DDX31: variants seen among roughly 807,000 people sequenced by gnomAD.
The protein encoded by DDX31 is ATP-dependent DNA helicase DDX31.
In DDX31, 70 loss-of-function variants were observed where a neutral mutation model predicts 91.3. That is an observed-to-expected ratio of 0.77 (90% CI 0.63 to 0.94). The LOEUF is 0.94. DDX31 is among the 40% of genes least tolerant of loss of function. DDX31 has a pLI of 0.00. For missense variants in DDX31, 902 were observed against 925.0 expected, an observed-to-expected ratio of 0.98 and a Z score of 0.32; for synonymous variants, 362 against 350.6, an observed-to-expected ratio of 1.03 and a Z score of -0.36.
chr9:132,619,859 C>T (rs1470671912), intron 17 of DDX31, among the ~76,000 whole-genome samples: 7 of 150,202 alleles, frequency 4.7e-5, no homozygotes, highest in Non-Finnish European at 7.4e-5. Context: ...ACCTCAGCAG[C>T]GCAACTGTCA....
chr9:132,660,093 T>G (rs1046779516), intron 4 of DDX31, among the ~76,000 whole-genome samples: 7 of 152,158 alleles, frequency 4.6e-5, no homozygotes, highest in Non-Finnish European at 1.0e-4. Flanking sequence ...CCCTGCACTT[T>G]GGGAAGCTGA....
At position 132,594,895 on chromosome 9, in the gene DDX31, G is replaced by A. The variant is rs937390295; in HGVS notation, c.2212C>T (p.Arg738Trp). Residue 738 changes from arginine (R) to tryptophan (W), a missense_variant, in exon 20 of 20, where the codon CGG (arginine) becomes TGG (tryptophan). By Grantham distance (101) the Arg-to-Trp change is moderately radical (BLOSUM62 -3). Transcript: ENST00000372159. The stretch of plus-strand genomic sequence containing the variant: ...ACTTTCTGGGAAGTCTTGCTGTCCC[G>A]CTGTACACCTTTTTGGGTTTTTCTC... ...KWRKTQKGVQ[R>W]DSKTSQKV 4.7e-5 allele frequency: 76 copies of A among 1,613,720 alleles called. No homozygotes were observed. Among genetic ancestry groups the A allele is most frequent in the African/African-American group, 9.3e-5 (7 of 74,918 alleles).
At chr9:132,617,789 C>T (rs1220549014) in intron 18 of DDX31, among the ~76,000 whole-genome samples, 1 of 152,178 alleles carries the variant, frequency 6.6e-6, no homozygotes, top group Non-Finnish European at 1.5e-5. Context: ...ATCCCAGGAG[C>T]CAACTTATCC....
At chr9:132,613,054 T>C (rs1308321287) in intron 18 of DDX31, among the ~76,000 whole-genome samples, 1 of 152,122 alleles carries the variant, frequency 6.6e-6, no homozygotes, top group Non-Finnish European at 1.5e-5. Flanking sequence ...TTTTTAAATT[T>C]TTATTTTTGT....
intron 1 of DDX31, among the ~76,000 whole-genome samples, chr9:132,668,872 C>G (rs1835503974): frequency 6.6e-6 from 1 of 152,104 alleles, no homozygotes; most frequent in South Asian, 2.1e-4. Context: ...CCGGCCGCGG[C>G]TTGGTTTTAT....
chr9:132,642,121 G>A, intron 13 of DDX31, 58 bp from the exon 14 acceptor site: 5 of 1,480,544 alleles, frequency 3.4e-6, no homozygotes, highest in Middle Eastern at 1.7e-4. Context: ...CAGCAAGGTA[G>A]GCTTACATCT....
intron 19 of DDX31, among the ~76,000 whole-genome samples, chr9:132,608,453 A>C (rs1403799332): frequency 6.6e-6 from 1 of 152,148 alleles, no homozygotes; most frequent in African/African-American, 2.4e-5. Flanking sequence ...AGGCAATGTA[A>C]GAGACGAAGG....
intron 18 of DDX31, 175 bp from the exon 19 acceptor site, chr9:132,612,430 T>C: frequency 1.5e-6 from 1 of 645,510 alleles, no homozygotes; most frequent in Non-Finnish European, 2.6e-6. Flanking sequence ...TTTCTTCAAT[T>C]CCTAAACAAC....
At chr9:132,616,880 T>G (rs544125745) in intron 18 of DDX31, among the ~76,000 whole-genome samples, 1 of 152,242 alleles carries the variant, frequency 6.6e-6, no homozygotes, top group Admixed American at 6.5e-5. Flanking sequence ...ATTGCAATTA[T>G]AATGTGCTAA....
chr9:132,623,255 G>A (rs544159627), intron 17 of DDX31, among the ~76,000 whole-genome samples: 1 of 151,364 alleles, frequency 6.6e-6, no homozygotes, highest in Non-Finnish European at 1.5e-5. Context: ...AAGAAACTGA[G>A]GCTTAGAAAG....
At chr9:132,634,475 G>A (rs900904602) in intron 14 of DDX31, among the ~76,000 whole-genome samples, 1 of 151,284 alleles carries the variant, frequency 6.6e-6, no homozygotes, top group Non-Finnish European at 1.5e-5. Context: ...TAAGTAAAAG[G>A]ACACTGATCT....
chr9:132,662,054 AG>A (rs569131739), intron 3 of DDX31, among the ~76,000 whole-genome samples: 1 of 152,118 alleles, frequency 6.6e-6, no homozygotes, highest in African/African-American at 2.4e-5. Context: ...GGATGGGGGA[AG>A]GGGGGGCCAG....
At chr9:132,667,338 C>T (rs1049596516) in intron 1 of DDX31, among the ~76,000 whole-genome samples, 4 of 151,670 alleles carry the variant, frequency 2.6e-5, no homozygotes, top group Non-Finnish European at 4.4e-5. Context: ...GGCTGGCTCA[C>T]GCCTGTAATC....
At chr9:132,652,427 C>T in intron 7 of DDX31, 21 bp downstream of exon 7, 1 of 1,613,996 alleles carries the variant, frequency 6.2e-7, no homozygotes. Context: ...TAAAACTTGT[C>T]CCAAAAGGGA....
At chr9:132,650,951 C>A (rs892253524) in intron 8 of DDX31, 124 bp downstream of exon 8, 30 of 981,770 alleles carry the variant, frequency 3.1e-5, no homozygotes, top group Non-Finnish European at 4.4e-5. Flanking sequence ...CTAGAGAGAG[C>A]AGAGATATCC....
At position 132,595,005 on chromosome 9, in the gene DDX31, T is replaced by C. The variant is rs367642142; in HGVS notation, c.2102A>G (p.Asn701Ser). ...EADIAKVKKQ[N>S]APGEPGGRPL... ...CCGGCCACCAGGCTCTCCAGGTGCG[T>C]TTTGCTTTTTGACCTTGGCGATGTC... Residue 701 changes from asparagine to serine, a missense_variant, in exon 20 of 20, where the codon AAC becomes AGC. Coordinates refer to ENST00000372159, the MANE Select transcript of DDX31 (RefSeq NM_022779.9). This position sits in a 1 kb window ranked among gnomAD's most constrained non-coding sequence, Gnocchi z 4.6. 26 of 1,614,152 alleles carry C rather than the reference T, an allele frequency of 1.6e-5. No individual in the cohort carries two copies. The African/African-American group carries it at 3.1e-4, about 19-fold the overall frequency.
Position 132,594,808 on chromosome 9 carries a change from G to A in DDX31, c.*58C>T. The A allele has an allele frequency of 6.3e-7, 1 of 1,594,236 alleles. No homozygotes were observed. Among genetic ancestry groups the A allele is most frequent in the Non-Finnish European group, 8.5e-7 (1 of 1,169,868 alleles). ...CACAAGCCTCCTCTGACAAGAACTG[G>A]ACATCAATCCACTGCCACCCGGGGC... On this transcript the variant is annotated 3_prime_UTR_variant, in exon 20 of 20. Coordinates refer to ENST00000372159, the MANE Select transcript of DDX31 (RefSeq NM_022779.9).
At chr9:132,652,351 T>A in intron 7 of DDX31, 97 bp downstream of exon 7, 1 of 1,413,532 alleles carries the variant, frequency 7.1e-7, no homozygotes. Flanking sequence ...CAGTGGCTTG[T>A]GCAGTAGGGA....
At chr9:132,638,356 G>C in intron 14 of DDX31, 1 of 1,614,138 alleles carries the variant, frequency 6.2e-7, no homozygotes, top group Non-Finnish European at 8.5e-7. Context: ...CTTAGGGTGA[G>C]TTCTTCACTG....
Sources: gnomAD v4.1 joint callset for allele counts (sites outside exome capture counted in the v4.1 genomes callset) on GRCh38, gnomAD v4.1.1 for gene constraint, Gnocchi (gnomAD v3.1) non-coding constraint, MANE v1.5 for transcripts, NCBI Gene and HGNC (gene_info 2026-07-23, HGNC 2026-07-21) for gene names.